HMGCLL1: variants seen among roughly 807,000 people sequenced by gnomAD.
The protein encoded by HMGCLL1 is 3-hydroxymethyl-3-methylglutaryl-CoA lyase, cytoplasmic.
HMGCLL1 carries 36 observed loss-of-function variants against 39.1 expected under a neutral mutation model. The ratio of observed to expected loss-of-function variants is 0.92; its 90% CI spans 0.71 to 1.22. The LOEUF is 1.22. HMGCLL1 is among the 50% of genes most tolerant of loss of function. The pLI, the probability that HMGCLL1 is intolerant of heterozygous loss-of-function variation, is 0.00. For missense variants in HMGCLL1, 451 were observed against 416.5 expected (o/e 1.08, Z -0.72); for synonymous variants, 149 against 144.0 (o/e 1.03, Z -0.25).
intron 1 of HMGCLL1, among the ~76,000 whole-genome samples, chr6:55,566,865 T>C (rs1251123858): frequency 1.3e-5 from 2 of 152,162 alleles, no homozygotes; most frequent in Non-Finnish European, 2.9e-5. Flanking sequence ...CTACTAATTT[T>C]ACTACTCAAA....
chr6:55,622,779 G>A, the HMGCLL1 span, among the ~76,000 whole-genome samples: 1 of 152,016 alleles, frequency 6.6e-6, no homozygotes, highest in African/African-American at 2.4e-5. Flanking sequence ...CTCACAGAGT[G>A]AGTTTGGAAA....
At chr6:55,578,799 T>G in intron 1 of HMGCLL1, 149 bp downstream of exon 1, 1 of 634,920 alleles carries the variant, frequency 1.6e-6, no homozygotes, top group South Asian at 1.8e-5. Flanking sequence ...GTTTAAGGGG[T>G]GCGGCCTAAC....
chr6:55,564,385 T>A (rs752361463), intron 1 of HMGCLL1, among the ~76,000 whole-genome samples: 36 of 152,012 alleles, frequency 2.4e-4, no homozygotes, highest in Non-Finnish European at 4.3e-4. Context: ...GTGACTGAGG[T>A]TTTCTTTTTC....
intron 1 of HMGCLL1, among the ~76,000 whole-genome samples, chr6:55,544,329 A>T (rs12202288): frequency 0.67 from 101,937 of 151,902 alleles, 34,436 homozygotes; most frequent in Admixed American, 0.72. Flanking sequence ...CCTTTGAAAT[A>T]GTATATTGCA....
intron 1 of HMGCLL1, among the ~76,000 whole-genome samples, chr6:55,542,595 T>A (rs1030835078): frequency 6.6e-6 from 1 of 151,404 alleles, no homozygotes; most frequent in Non-Finnish European, 1.5e-5. Context: ...CTGGCCAACA[T>A]AGTGTAACCC....
At chr6:55,480,001 G>A (rs563391773) in intron 7 of HMGCLL1, among the ~76,000 whole-genome samples, 1 of 151,688 alleles carries the variant, frequency 6.6e-6, no homozygotes, top group East Asian at 1.9e-4. Context: ...GCTTGAAGAG[G>A]TTAAAGAAGT....
the HMGCLL1 span, among the ~76,000 whole-genome samples, chr6:55,643,926 T>G: frequency 2.0e-5 from 3 of 152,034 alleles, no homozygotes; most frequent in Non-Finnish European, 2.9e-5. Context: ...TACCCAGCAG[T>G]GAGACTGCTG....
chr6:55,588,058 T>C, the HMGCLL1 span, among the ~76,000 whole-genome samples: 4 of 152,134 alleles, frequency 2.6e-5, no homozygotes, highest in African/African-American at 9.7e-5. Flanking sequence ...GTGGACCTAA[T>C]AGACATCTCC....
chr6:55,587,766 T>A, the HMGCLL1 span, among the ~76,000 whole-genome samples: 4 of 151,958 alleles, frequency 2.6e-5, no homozygotes, highest in Admixed American at 1.3e-4. Context: ...AGTCTCTGAC[T>A]AAACAGAATT....
chr6:55,447,015 T>C (rs1447344757), intron 7 of HMGCLL1, among the ~76,000 whole-genome samples: 1 of 152,036 alleles, frequency 6.6e-6, no homozygotes, highest in East Asian at 1.9e-4. Flanking sequence ...AATATTCATA[T>C]AGAATAAAAT....
At chr6:55,557,995 G>C (rs1561961984) in intron 1 of HMGCLL1, among the ~76,000 whole-genome samples, 2 of 152,106 alleles carry the variant, frequency 1.3e-5, no homozygotes, top group Non-Finnish European at 2.9e-5. Context: ...ACTCAGGTTT[G>C]GTTGAAAACT....
chr6:55,555,893 G>A (rs1028665620), intron 1 of HMGCLL1, among the ~76,000 whole-genome samples: 3 of 152,128 alleles, frequency 2.0e-5, no homozygotes, highest in Admixed American at 6.6e-5. Context: ...ATGGTCTAAC[G>A]GAATACACAT....
the HMGCLL1 span, among the ~76,000 whole-genome samples, chr6:55,674,555 A>G: frequency 6.6e-6 from 1 of 152,086 alleles, no homozygotes; most frequent in Non-Finnish European, 1.5e-5. Context: ...CCTCCATGTT[A>G]TTATCATAAC....
intron 1 of HMGCLL1, among the ~76,000 whole-genome samples, chr6:55,554,017 G>A (rs1429295763): frequency 6.6e-6 from 1 of 152,066 alleles, no homozygotes; most frequent in African/African-American, 2.4e-5. Flanking sequence ...ACTTGGCAAT[G>A]TCAACCTCAG....
chr6:55,542,626 G>T (rs1378629326), intron 1 of HMGCLL1, among the ~76,000 whole-genome samples: 1 of 151,096 alleles, frequency 6.6e-6, no homozygotes, highest in Non-Finnish European at 1.5e-5. Flanking sequence ...AAAAATACAA[G>T]AAATTAACTG....
chr6:55,515,876 A>G (rs997071360), intron 4 of HMGCLL1, among the ~76,000 whole-genome samples: 4 of 152,144 alleles, frequency 2.6e-5, no homozygotes, highest in Non-Finnish European at 4.4e-5. Context: ...TTTCATTAAT[A>G]TTCATTAATA....
At chr6:55,477,241 T>TATATAATATATAATATATA (rs1247609057) in intron 7 of HMGCLL1, among the ~76,000 whole-genome samples, 1 of 18,288 alleles carries the variant, frequency 5.5e-5, no homozygotes, top group Non-Finnish European at 7.5e-5. Flanking sequence ...TATATTATAT[T>TATATAATATATAATATATA]TATATAATAT....
the HMGCLL1 span, among the ~76,000 whole-genome samples, chr6:55,594,428 C>A: frequency 6.6e-6 from 1 of 152,102 alleles, no homozygotes; most frequent in Admixed American, 6.6e-5. Context: ...TAAAATGAGC[C>A]AAGGTGAGTT....
intron 7 of HMGCLL1, among the ~76,000 whole-genome samples, chr6:55,468,791 C>A (rs6906282): frequency 6.6e-6 from 1 of 151,748 alleles, no homozygotes; most frequent in South Asian, 2.1e-4. Flanking sequence ...TACTATGCTA[C>A]ACTCTCCTTT....
Sources: gnomAD v4.1 joint callset for allele counts (sites outside exome capture counted in the v4.1 genomes callset) on GRCh38, gnomAD v4.1.1 for gene constraint, MANE v1.5 for transcripts, NCBI Gene and HGNC (gene_info 2026-07-23, HGNC 2026-07-21) for gene names.